The following RADIL variants were observed in gnomAD, a reference collection of about 807,000 sequenced individuals.
The protein encoded by RADIL is ras-associating and dilute domain-containing protein.
A neutral mutation model predicts 97.6 loss-of-function variants in RADIL; 99 were observed. The ratio of observed to expected loss-of-function variants is 1.01; its 90% confidence interval spans 0.86 to 1.20. The LOEUF is 1.20. RADIL is among the 50% of genes most tolerant of loss of function. The pLI, the probability that RADIL is intolerant of heterozygous loss-of-function variation, is 0.00. For missense variants in RADIL, 1,765 were observed against 1,498.9 expected (o/e 1.18, Z -2.93); for synonymous variants, 803 against 691.8 (o/e 1.16, Z -2.52).
rs1358465149 is a variant in RADIL, at chr7:4,805,555, G to T, written c.2290+11C>A. 1 of 1,578,388 alleles carries T rather than the reference G, an allele frequency of 6.3e-7. No individual in the cohort carries two copies. Among genetic ancestry groups the T allele is most frequent in the Admixed American group, 1.8e-5 (1 of 55,528 alleles). On this transcript the variant is annotated intron_variant, in intron 10 of 14. Transcript: ENST00000399583. ...GTCCCCAGCCCTCTCCTGCCCTGGG[G>T]CAGGGCTTACCTGACCTGAAGGCCT...
intron 2 of RADIL, among the ~76,000 whole-genome samples, chr7:4,841,880 G>T (rs373080025): frequency 6.6e-6 from 1 of 152,068 alleles, no homozygotes; most frequent in Admixed American, 6.6e-5. Context: ...GATCAACATC[G>T]CCAAGTCTCT....
At chr7:4,864,722 A>G (rs1784092588) in intron 2 of RADIL, among the ~76,000 whole-genome samples, 1 of 152,056 alleles carries the variant, frequency 6.6e-6, no homozygotes, top group Admixed American at 6.6e-5. Context: ...TGTTGATTTC[A>G]CCTCCAGAAT....
At chr7:4,809,378 G>T in intron 9 of RADIL, 1 of 985,408 alleles carries the variant, frequency 1.0e-6, no homozygotes, top group Non-Finnish European at 1.2e-6. Flanking sequence ...CGGCTGAGCG[G>T]GGGGAGGCGG....
chr7:4,876,492 G>A lies in RADIL; in HGVS notation c.535+1113C>T, dbSNP rs139552275. On this transcript the variant is annotated intron_variant, in intron 2 of 14. Coordinates refer to ENST00000399583, the MANE Select transcript of RADIL (RefSeq NM_018059.5). Reference sequence around the variant, plus strand: ...ATTTTTGTATTTTTAGTAGATACGGGGTTTCACCATGTTGGCCAGGCTGGT... The same window carrying A: ...ATTTTTGTATTTTTAGTAGATACGGAGTTTCACCATGTTGGCCAGGCTGGT... 8.5e-5 allele frequency among the ~76,000 whole-genome samples: 13 copies of A among 152,132 alleles called. No homozygotes were observed. The East Asian group carries it at 2.5e-3, about 29-fold the overall frequency.
chr7:4,809,382 G>T (rs986240688), intron 9 of RADIL: 11 of 985,304 alleles, frequency 1.1e-5, no homozygotes, highest in Non-Finnish European at 1.2e-5. Context: ...TGAGCGGGGG[G>T]AGGCGGAGAT....
chr7:4,805,461 T>TC, intron 10 of RADIL, 105 bp downstream of exon 10: 1 of 1,356,834 alleles, frequency 7.4e-7, no homozygotes, highest in Non-Finnish European at 9.7e-7. Context: ...AGGAGAGAGG[T>TC]CCCCCACACC....
In RADIL at chr7:4,837,748, AAT is replaced by A; in HGVS notation, c.536-1145_536-1144del. 1.3e-6 allele frequency: 1 copy of A among 780,786 alleles called. No homozygotes were observed. Among genetic ancestry groups the A allele is most frequent in the Non-Finnish European group, 1.6e-6 (1 of 643,566 alleles). 48.4% of individuals were successfully genotyped at this position (780,786 alleles called of 1,614,324 possible). On this transcript the variant is annotated intron_variant, in intron 2 of 14. Coordinates refer to ENST00000399583, the MANE Select transcript of RADIL (RefSeq NM_018059.5). The surrounding 1 kb of genome is among the most constrained non-coding windows in gnomAD (Gnocchi z 5.6). ...GATAACACACACCCTTAGAAGACTTAATATCTCATAAATACAGACACGCTCTC... is the reference window on the plus strand; with the variant it reads ...GATAACACACACCCTTAGAAGACTTAATCTCATAAATACAGACACGCTCTC...
chr7:4,855,620 TAAAAAAAAAAAAAAA>T (rs760588803), intron 2 of RADIL, among the ~76,000 whole-genome samples: 1 of 88,166 alleles, frequency 1.1e-5, no homozygotes, highest in African/African-American at 3.7e-5. Context: ...TTTATTTTTG[TAAAAAAAAAAAAAAA>T]AAAAAAAAAA....
intron 12 of RADIL, 22 bp downstream of exon 12, chr7:4,801,631 C>T (rs772985583): frequency 2.5e-6 from 4 of 1,573,320 alleles, no homozygotes; most frequent in East Asian, 2.4e-5. Flanking sequence ...GGGTTCCCGC[C>T]TGAGCACCAG....
At chr7:4,802,026 G>C (rs765390248) in intron 11 of RADIL, 31 bp from the exon 12 acceptor site, 3 of 1,456,838 alleles carry the variant, frequency 2.1e-6, no homozygotes, top group Non-Finnish European at 2.7e-6. Flanking sequence ...AGCTCAGGTA[G>C]AGGAGTGGCC....
At chr7:4,843,983 G>T (rs1783508636) in intron 2 of RADIL, among the ~76,000 whole-genome samples, 1 of 151,174 alleles carries the variant, frequency 6.6e-6, no homozygotes, top group Admixed American at 6.6e-5. Context: ...CTCATTTTGG[G>T]AACCAATTCT....
Position 4,834,934 on chromosome 7 carries a change from G to C in RADIL, c.1089C>G (p.Pro363=). ...GGCGCGCCAAGGCCCGGGCGGGCAG[G>C]GGCTGGGCCTGCGCGGGGTCCTTGA... is the stretch of plus-strand genomic sequence containing the variant. The part of the protein sequence containing the change: ...LLFKDPAQAQ[P]LPARALARLR... The change falls in exon 4 of 15, where the codon CCC becomes CCG. Residue 363 remains proline, a synonymous_variant. Transcript: ENST00000399583. This position sits in a 1 kb window ranked among gnomAD's most constrained non-coding sequence, Gnocchi z 6.0. 6.3e-7 allele frequency: 1 copy of C among 1,589,344 alleles called. No individual in the cohort carries two copies. The highest frequency in any genetic ancestry group is 8.6e-7 in the Non-Finnish European group (1 of 1,168,146).
intron 2 of RADIL, among the ~76,000 whole-genome samples, chr7:4,845,280 G>A (rs1783540570): frequency 6.6e-6 from 1 of 152,240 alleles, no homozygotes; most frequent in Non-Finnish European, 1.5e-5. Flanking sequence ...TGAACCAGAT[G>A]TGGTGGGACA....
At chr7:4,858,957 T>C (rs961367344) in intron 2 of RADIL, 2 of 152,244 alleles carry the variant, frequency 1.3e-5, no homozygotes, top group Non-Finnish European at 2.9e-5. Context: ...GGAGCTTTGA[T>C]AGCTCAAAGA....
At chr7:4,855,620 TAAAAAAAAAAAAA>T (rs760588803) in intron 2 of RADIL, among the ~76,000 whole-genome samples, 16 of 88,172 alleles carry the variant, frequency 1.8e-4, no homozygotes, top group African/African-American at 4.4e-4. Flanking sequence ...TTTATTTTTG[TAAAAAAAAAAAAA>T]AAAAAAAAAA....
At chr7:4,839,299 ATCT>A (rs1297950196) in intron 2 of RADIL, among the ~76,000 whole-genome samples, 3 of 152,208 alleles carry the variant, frequency 2.0e-5, no homozygotes, top group Non-Finnish European at 4.4e-5. Context: ...GTTTTGAGCA[ATCT>A]TCTTAGTACT....
At chr7:4,860,031 T>C (rs1294345015) in intron 2 of RADIL, 3 of 1,614,026 alleles carry the variant, frequency 1.9e-6, no homozygotes, top group East Asian at 2.2e-5. Context: ...GCGTGAGGAA[T>C]ACTTTCGTTT....
rs1008684466 is a variant in RADIL, at chr7:4,842,749, C to G, written c.536-6144G>C. Among the ~76,000 whole-genome samples the G allele has an allele frequency of 6.6e-6, 1 of 152,160 alleles. No homozygotes were observed. Among genetic ancestry groups the G allele is most frequent in the African/African-American group, 2.4e-5 (1 of 41,438 alleles). ...TGGAACCGTTTCTGTCACCCATCCC[C>G]ACTCGCAGGCCTCAGAGATGAAGTG... On this transcript the variant is annotated intron_variant, in intron 2 of 14. Transcript: ENST00000399583. The surrounding 1 kb of genome is among the most constrained non-coding windows in gnomAD (Gnocchi z 4.5).
At position 4,842,110 on chromosome 7, in the gene RADIL, G is replaced by A. The variant is rs1202479567; in HGVS notation, c.536-5505C>T. Among the ~76,000 whole-genome samples the A allele has an allele frequency of 2.6e-5, 4 of 151,974 alleles. No homozygotes were observed. Among genetic ancestry groups the A allele is most frequent in the African/African-American group, 7.3e-5 (3 of 41,376 alleles). On this transcript the variant is annotated intron_variant, in intron 2 of 14. Transcript: ENST00000399583. This position sits in a 1 kb window ranked among gnomAD's most constrained non-coding sequence, Gnocchi z 4.5. ...AGGCTGGAATAGCAGCGTAGGCCTC[G>A]TAAGGGACCATGGTTTGCAGACAGG...
Sources: gnomAD v4.1 joint callset for allele counts (sites outside exome capture counted in the v4.1 genomes callset) on GRCh38, gnomAD v4.1.1 for gene constraint, Gnocchi (gnomAD v3.1) non-coding constraint, MANE v1.5 for transcripts, NCBI Gene and HGNC (gene_info 2026-07-23, HGNC 2026-07-21) for gene names.